Variants in NPAS3 observed in about 807,000 individuals in gnomAD.
The protein encoded by NPAS3 is neuronal PAS domain protein 3.
In NPAS3, 14 loss-of-function variants were observed where a neutral mutation model predicts 73.1. That is an observed-to-expected ratio of 0.19 (90% CI 0.13 to 0.30). The LOEUF is 0.30. Among genes scored for constraint, NPAS3 ranks in the 10% least tolerant of loss-of-function variants. The pLI, the probability that NPAS3 is intolerant of heterozygous loss-of-function variation, is 1.00. For missense variants in NPAS3, 1,096 were observed against 1,250.0 expected (o/e 0.88, Z 1.86); for synonymous variants, 620 against 541.5 (o/e 1.14, Z -2.01).
chr14:33,372,583 C>A (rs963670770), intron 4 of NPAS3, among the ~76,000 whole-genome samples: 12 of 152,208 alleles, frequency 7.9e-5, no homozygotes, highest in Admixed American at 4.6e-4. Context: ...TCACCACTGA[C>A]TGTGACCAAT....
chr14:33,375,738 G>T (rs1208439056), intron 4 of NPAS3, among the ~76,000 whole-genome samples: 1 of 152,112 alleles, frequency 6.6e-6, no homozygotes, highest in African/African-American at 2.4e-5. Context: ...TGTTTTTAAA[G>T]TTGAACATTA....
intron 3 of NPAS3, among the ~76,000 whole-genome samples, chr14:33,277,741 G>A (rs2041400528): frequency 6.6e-6 from 1 of 152,102 alleles, no homozygotes; most frequent in Non-Finnish European, 1.5e-5. Context: ...AAGGAGGTTG[G>A]AATTGCTGGA....
intron 3 of NPAS3, among the ~76,000 whole-genome samples, chr14:33,343,291 C>T (rs1427692770): frequency 2.0e-5 from 3 of 152,116 alleles, no homozygotes; most frequent in Non-Finnish European, 4.4e-5. Flanking sequence ...CTCCCTCCTG[C>T]TTTCTTTTTT....
At chr14:33,460,753 A>G (rs1036254589) in intron 4 of NPAS3, among the ~76,000 whole-genome samples, 4 of 152,084 alleles carry the variant, frequency 2.6e-5, no homozygotes, top group African/African-American at 9.7e-5. Flanking sequence ...TGGATTTGCT[A>G]TTCAGATACT....
At chr14:33,608,501 T>G (rs886529808) in intron 5 of NPAS3, 12 of 152,214 alleles carry the variant, frequency 7.9e-5, no homozygotes, top group African/African-American at 2.7e-4. Context: ...GAATAAAAGA[T>G]GGATAGCTTC....
chr14:33,438,166 T>C (rs1317603092), intron 4 of NPAS3, among the ~76,000 whole-genome samples: 6 of 152,210 alleles, frequency 3.9e-5, no homozygotes, highest in African/African-American at 1.4e-4. Flanking sequence ...TGATGCTTAC[T>C]GAGCATAAAA....
chr14:33,403,042 A>T (rs920675332), intron 4 of NPAS3, among the ~76,000 whole-genome samples: 1 of 152,118 alleles, frequency 6.6e-6, no homozygotes, highest in Non-Finnish European at 1.5e-5. Context: ...GGGCTTAAAA[A>T]TTTCTAAATC....
chr14:33,678,963 G>A (rs1389835524), intron 6 of NPAS3, among the ~76,000 whole-genome samples: 1 of 152,136 alleles, frequency 6.6e-6, no homozygotes, highest in Non-Finnish European at 1.5e-5. Context: ...GACTGTAGGA[G>A]AATATATATC....
rs900014798 is a variant in NPAS3 at position 33,701,386 on chromosome 14, T to A, written c.733+25001T>A. 2.6e-5 allele frequency among the ~76,000 whole-genome samples: 4 copies of A among 152,226 alleles called. No individual in the cohort carries two copies. In the South Asian group the frequency reaches 8.3e-4, roughly 31 times the overall value. On this transcript the variant is annotated intron_variant, in intron 6 of 11. Coordinates refer to ENST00000356141, the Ensembl canonical transcript of NPAS3. ...CATAGATTGTTAACCTGCAGGTCTG[T>A]TTGGCCATCCCATATTGAGAGGAAC...
chr14:33,065,154 C>A (rs1257246760), intron 2 of NPAS3, among the ~76,000 whole-genome samples: 1 of 152,118 alleles, frequency 6.6e-6, no homozygotes, highest in Non-Finnish European at 1.5e-5. Context: ...ACAAATCTTT[C>A]CGTACCACCT....
chr14:33,519,378 T>C (rs1323772635), intron 4 of NPAS3, among the ~76,000 whole-genome samples: 1 of 152,090 alleles, frequency 6.6e-6, no homozygotes, highest in Non-Finnish European at 1.5e-5. Flanking sequence ...GGGACTCTGC[T>C]TATGCTCTCA....
chr14:33,387,095 C>T (rs1041170169), intron 4 of NPAS3, among the ~76,000 whole-genome samples: 1 of 152,152 alleles, frequency 6.6e-6, no homozygotes, highest in African/African-American at 2.4e-5. Context: ...TTTAAGTCAC[C>T]TACCTCTCAA....
At chr14:32,994,666 C>T (rs2038490128) in intron 1 of NPAS3, among the ~76,000 whole-genome samples, 2 of 140,504 alleles carry the variant, frequency 1.4e-5, no homozygotes, top group Admixed American at 1.5e-4. Flanking sequence ...GAGTCTCACT[C>T]CATTGCTTAG....
At chr14:33,552,549 G>A (rs555276851) in intron 4 of NPAS3, among the ~76,000 whole-genome samples, 7 of 152,152 alleles carry the variant, frequency 4.6e-5, no homozygotes, top group South Asian at 2.1e-4. Context: ...TATATAATAC[G>A]TGTAACAGCA....
chr14:33,384,603 C>T (rs1043423522), intron 4 of NPAS3, among the ~76,000 whole-genome samples: 1 of 152,026 alleles, frequency 6.6e-6, no homozygotes, highest in South Asian at 2.1e-4. Context: ...GTGGCACATG[C>T]CTGTAATCCC....
rs563889085 is a variant in NPAS3 at position 33,744,144 on chromosome 14, CT to C, written c.852+8816del. On this transcript the variant is annotated intron_variant, in intron 7 of 11. Coordinates refer to ENST00000356141, the Ensembl canonical transcript of NPAS3. ...TGGTTGGCTAACTGGCACCAAGAGGCTTTTGGCCAATCTCAGCTTTCAATAT... is the reference window on the plus strand; with the variant it reads ...TGGTTGGCTAACTGGCACCAAGAGGCTTTGGCCAATCTCAGCTTTCAATAT... Among the ~76,000 whole-genome samples, 444 of 152,340 alleles carry C rather than the reference CT, an allele frequency of 2.9e-3. 2 individuals carry two copies. Among genetic ancestry groups the C allele is most frequent in the African/African-American group, 9.0e-3 (376 of 41,582 alleles).
intron 2 of NPAS3, among the ~76,000 whole-genome samples, chr14:33,194,535 A>G (rs1439462650): frequency 6.6e-6 from 1 of 152,188 alleles, no homozygotes; most frequent in Non-Finnish European, 1.5e-5. Flanking sequence ...AGGAGATTTC[A>G]CTTTTAACAT....
intron 2 of NPAS3, among the ~76,000 whole-genome samples, chr14:33,078,423 A>T (rs2041745692): frequency 6.6e-6 from 1 of 152,020 alleles, no homozygotes; most frequent in African/African-American, 2.4e-5. Context: ...TATTGAGAAG[A>T]TTCCTCCCCT....
intron 7 of NPAS3, among the ~76,000 whole-genome samples, chr14:33,765,650 G>C (rs1239705449): frequency 6.6e-6 from 1 of 152,226 alleles, no homozygotes; most frequent in African/African-American, 2.4e-5. Context: ...GTTCTACAGA[G>C]TAGGATTTTT....
Sources: gnomAD v4.1 joint callset for allele counts (sites outside exome capture counted in the v4.1 genomes callset) on GRCh38, gnomAD v4.1.1 for gene constraint, MANE v1.5 for transcripts, NCBI Gene and HGNC (gene_info 2026-07-23, HGNC 2026-07-21) for gene names.